SFI1: variants seen among roughly 807,000 people sequenced by gnomAD.
SFI1 encodes protein SFI1 homolog.
In SFI1, 195 loss-of-function variants were observed where a neutral mutation model predicts 207.5. The observed-to-expected ratio is 0.94, with a 90% confidence interval of 0.84 to 1.06. The LOEUF is 1.06. Ranked by LOEUF, SFI1 falls within the 50% of genes least tolerant of loss-of-function variation. The pLI, the probability that SFI1 is intolerant of heterozygous loss-of-function variation, is 0.00. For missense variants in SFI1, 1,634 were observed against 1,588.0 expected (o/e 1.03, Z -0.49); for synonymous variants, 630 against 598.9 (o/e 1.05, Z -0.76).
chr22:31,561,724 T>C (rs1354882319), intron 8 of SFI1, among the ~76,000 whole-genome samples: 1 of 152,174 alleles, frequency 6.6e-6, no homozygotes, highest in African/African-American at 2.4e-5. Flanking sequence ...AATCAGAAAA[T>C]AATTGGGGCA....
chr22:31,514,476 C>A (rs905508659), intron 2 of SFI1, among the ~76,000 whole-genome samples: 2 of 140,710 alleles, frequency 1.4e-5, no homozygotes, highest in Non-Finnish European at 3.0e-5. Flanking sequence ...CCACTACACT[C>A]CAGCCTGGGC....
At chr22:31,500,377 G>C (rs1333165878) in intron 1 of SFI1, among the ~76,000 whole-genome samples, 1 of 151,728 alleles carries the variant, frequency 6.6e-6, no homozygotes, top group Non-Finnish European at 1.5e-5. Context: ...ATGGAGGCAA[G>C]ACCCTCTACT....
chr22:31,560,223 A>G (rs1351660250), intron 7 of SFI1, among the ~76,000 whole-genome samples: 1 of 151,790 alleles, frequency 6.6e-6, no homozygotes, highest in Non-Finnish European at 1.5e-5. Context: ...TTATTTCCCC[A>G]TGACTCTTTT....
At chr22:31,545,891 T>TC (rs2060039224) in intron 4 of SFI1, among the ~76,000 whole-genome samples, 2 of 148,230 alleles carry the variant, frequency 1.3e-5, no homozygotes, top group Admixed American at 1.4e-4. Flanking sequence ...TTTTTTTTTT[T>TC]TTTTTTTTTT....
chr22:31,546,761 C>T, intron 4 of SFI1, 100 bp from the exon 5 acceptor site: 3 of 743,538 alleles, frequency 4.0e-6, no homozygotes, highest in East Asian at 3.3e-5. Flanking sequence ...GCCACCACGC[C>T]CGGCTGTACT....
chr22:31,618,162 A>T lies in SFI1; in HGVS notation c.3560A>T (p.Asn1187Ile). The change falls in exon 32 of 33, where the codon AAC becomes ATC. Residue 1187 changes from asparagine (N) to isoleucine (I), a missense_variant. Asn to Ile is a moderately radical substitution (Grantham distance 149). Coordinates refer to ENST00000400288, the MANE Select transcript of SFI1 (RefSeq NM_001007467.3). ...AGCCTGCGCAGGTGGCTGGAGCTGA[A>T]CAGAGAGGAGCCGGGGCCTGAGGAC... ...ASSLRRWLEL[N>I]REEPGPEDQE... 6.3e-7 allele frequency: 1 copy of T among 1,592,854 alleles called. No homozygotes were observed. Among genetic ancestry groups the T allele is most frequent in the Non-Finnish European group, 8.5e-7 (1 of 1,171,768 alleles).
chr22:31,496,775 A>G (rs977285206), intron 1 of SFI1, 138 bp downstream of exon 1: 3 of 152,198 alleles, frequency 2.0e-5, no homozygotes, highest in Non-Finnish European at 2.9e-5. Context: ...CTGAAAGTGC[A>G]GGTGATGTTG....
At chr22:31,508,483 TG>T in intron 2 of SFI1, 107 bp downstream of exon 2, 1 of 747,498 alleles carries the variant, frequency 1.3e-6, no homozygotes, top group Admixed American at 3.0e-5. Flanking sequence ...GTAGTAACTG[TG>T]GGTAAGTTTT....
At chr22:31,598,346 G>C (rs1365182386) in intron 15 of SFI1, among the ~76,000 whole-genome samples, 1 of 151,976 alleles carries the variant, frequency 6.6e-6, no homozygotes, top group Non-Finnish European at 1.5e-5. Flanking sequence ...GAACATTTCT[G>C]TTACCCCAGA....
rs374978541 is a variant in SFI1 at position 31,561,666 on chromosome 22, A to G, written c.765+274A>G. Reference sequence around the variant, plus strand: ...ATGAATTAGTTATAAACATGTTTAGAGAAACAGCAGTATACTCTGATTTCC... The same window carrying G: ...ATGAATTAGTTATAAACATGTTTAGGGAAACAGCAGTATACTCTGATTTCC... On this transcript the variant is annotated intron_variant, in intron 8 of 32. Coordinates refer to ENST00000400288, the MANE Select transcript of SFI1 (RefSeq NM_001007467.3). Among the ~76,000 whole-genome samples, 35 of 152,370 alleles carry G rather than the reference A, an allele frequency of 2.3e-4. No homozygotes were observed. The East Asian group carries it at 4.4e-3, about 19-fold the overall frequency.
intron 4 of SFI1, among the ~76,000 whole-genome samples, chr22:31,543,192 G>A (rs1278372149): frequency 6.7e-6 from 1 of 150,346 alleles, no homozygotes; most frequent in Non-Finnish European, 1.5e-5. Flanking sequence ...GGATGGTCTC[G>A]ATCTCCTGAC....
chr22:31,584,235 C>G (rs753216677), intron 13 of SFI1, among the ~76,000 whole-genome samples: 3 of 152,182 alleles, frequency 2.0e-5, no homozygotes, highest in Non-Finnish European at 2.9e-5. Context: ...CTTGGTCCTA[C>G]AGGCATCAAT....
intron 8 of SFI1, among the ~76,000 whole-genome samples, chr22:31,562,983 T>TTA (rs56072629): frequency 0.043 from 6,111 of 142,238 alleles, 238 homozygotes; most frequent in African/African-American, 0.1. Context: ...TCATCATCTT[T>TTA]TATATATATA....
chr22:31,575,382 C>G lies in SFI1; in HGVS notation c.1074C>G (p.His358Gln). 1.9e-6 allele frequency: 3 copies of G among 1,606,914 alleles called. No homozygotes were observed. The highest frequency in any genetic ancestry group is 2.5e-6 in the Non-Finnish European group (3 of 1,176,838). The stretch of plus-strand genomic sequence containing the variant: ...TGGCCCTGCGGCGCGCCTTTACTCA[C>G]TGGAAACACTGTATCCTTTCAGATA... ...RKMALRRAFT[H>Q]WKHYMLLCAE... is the part of the protein sequence containing the mutation. Residue 358 changes from histidine to glutamine, a missense_variant, in exon 10 of 33, where the codon CAC becomes CAG. Coordinates refer to ENST00000400288, the MANE Select transcript of SFI1 (RefSeq NM_001007467.3).
intron 11 of SFI1, among the ~76,000 whole-genome samples, chr22:31,579,701 C>G (rs2063892542): frequency 6.6e-6 from 1 of 152,196 alleles, no homozygotes; most frequent in South Asian, 2.1e-4. Context: ...GTCCTCCTGC[C>G]TCAGCATCCT....
At chr22:31,607,851 C>T (rs1442343193) in intron 21 of SFI1, 86 bp from the exon 22 acceptor site, 4 of 1,238,602 alleles carry the variant, frequency 3.2e-6, no homozygotes, top group Admixed American at 3.7e-5. Context: ...GGCCTTGCCT[C>T]TCCAGGAGCC....
At position 31,530,646 on chromosome 22, in the gene SFI1, T is replaced by C. The variant is rs115422710; in HGVS notation, c.267-412T>C. On this transcript the variant is annotated intron_variant, in intron 3 of 32. Coordinates refer to ENST00000400288, the MANE Select transcript of SFI1 (RefSeq NM_001007467.3). ...ACCCTGTGAGCTGATCTCTGTGATA[T>C]GGTGTCATAACATTACAGGAGGGGT... The C allele has an allele frequency of 3.5e-3, 1,660 of 471,762 alleles. 31 individuals are homozygous for C. Among genetic ancestry groups the C allele is most frequent in the African/African-American group, 0.03 (1,521 of 50,162 alleles). The allele number at this position is 471,762 out of a possible 1,614,324, so 29.2% of individuals were successfully genotyped here.
In SFI1 at chr22:31,573,234, C is replaced by T. The variant is rs1418839020; in HGVS notation, c.922+20C>T. Reference sequence around the variant, plus strand: ...AGAATGGTGAGTAGGAAGCTCCAGGCTCTCGAGATAGAGGATCTGGTCACA... The same window carrying T: ...AGAATGGTGAGTAGGAAGCTCCAGGTTCTCGAGATAGAGGATCTGGTCACA... On this transcript the variant is annotated intron_variant, in intron 9 of 32. Coordinates refer to ENST00000400288, the MANE Select transcript of SFI1 (RefSeq NM_001007467.3). The T allele has an allele frequency of 1.9e-6, 3 of 1,611,670 alleles. No individual in the cohort carries two copies.
intron 15 of SFI1, among the ~76,000 whole-genome samples, chr22:31,599,077 C>T (rs1402993015): frequency 2.0e-5 from 3 of 151,824 alleles, no homozygotes; most frequent in Middle Eastern, 3.4e-3. Context: ...CAGGTGTGAG[C>T]CACCGCGCCC....
Sources: gnomAD v4.1 joint callset for allele counts (sites outside exome capture counted in the v4.1 genomes callset) on GRCh38, gnomAD v4.1.1 for gene constraint, MANE v1.5 for transcripts, NCBI Gene and HGNC (gene_info 2026-07-23, HGNC 2026-07-21) for gene names.